NLRC5: variants seen among roughly 807,000 people sequenced by gnomAD.
The protein encoded by NLRC5 is NLR family CARD domain containing 5, also known as protein NLRC5.
In NLRC5, 114 loss-of-function variants were observed where a neutral mutation model predicts 206.9. The ratio of observed to expected loss-of-function variants is 0.55; its 90% CI spans 0.47 to 0.64. The LOEUF (loss-of-function observed/expected upper bound fraction) is 0.64. NLRC5 is among the 30% of genes least tolerant of loss of function. The pLI, the probability that NLRC5 is intolerant of heterozygous loss-of-function variation, is 0.00. For synonymous variants in NLRC5, 952 were observed against 962.8 expected (o/e 0.99, Z 0.21); for missense variants, 2,008 against 2,305.5 (o/e 0.87, Z 2.64).
chr16:57,078,480 T>G (rs1439354892), intron 43 of NLRC5, among the ~76,000 whole-genome samples: 2 of 146,572 alleles, frequency 1.4e-5, no homozygotes, highest in Non-Finnish European at 1.5e-5. Context: ...TTTTTTTTTT[T>G]TTTTTTTTTT....
rs1412705776 is a variant in NLRC5 at position 57,061,505 on chromosome 16, CA to C, written c.4046del (p.Lys1349SerfsTer5). ...HVSRLATGLSKSLQLTELTLT... is the reference protein window; with the variant it reads ...HVSRLATGLSXSLQLTELTLT... The stretch of plus-strand genomic sequence containing the variant: ...TGTCCAGGCTGGCCACCGGCTTGAG[CA>C]AGTCCCTGCAGCTGACGGAGCTCAC... On this transcript the variant is annotated frameshift_variant, in exon 31 of 49. Coordinates refer to ENST00000688547, the MANE Select transcript of NLRC5 (RefSeq NM_001384950.1). LOFTEE classifies it high-confidence loss of function. The C allele has an allele frequency of 1.9e-6, 3 of 1,610,506 alleles. 1 individual carries two copies. The African/African-American group carries it at 4.0e-5, about 21-fold the overall frequency.
At chr16:57,058,400 C>T in intron 28 of NLRC5, 1 of 520,874 alleles carries the variant, frequency 1.9e-6, no homozygotes, top group Non-Finnish European at 3.5e-6. Flanking sequence ...GGGTGACACA[C>T]CCCTACAGCC....
intron 17 of NLRC5, 45 bp from the exon 18 acceptor site, chr16:57,041,440 T>C: frequency 6.4e-7 from 1 of 1,558,612 alleles, no homozygotes; most frequent in Non-Finnish European, 8.8e-7. Context: ...CCTTCCCGCC[T>C]CTGTTCAGTG....
intron 30 of NLRC5, among the ~76,000 whole-genome samples, chr16:57,060,039 A>ATTC (rs2066229621): frequency 1.3e-5 from 2 of 149,098 alleles, no homozygotes. Context: ...TATTATTATT[A>ATTC]TTATTATTAT....
At position 56,998,747 on chromosome 16, in the gene NLRC5, A is replaced by G. The variant is rs533111779; in HGVS notation, c.-128+9130A>G. 1.5e-3 allele frequency among the ~76,000 whole-genome samples: 222 copies of G among 152,354 alleles called. 2 individuals are homozygous for G. The highest frequency in any genetic ancestry group is 5.1e-3 in the African/African-American group (213 of 41,576). On this transcript the variant is annotated intron_variant, in intron 1 of 48. Coordinates refer to ENST00000688547, the MANE Select transcript of NLRC5 (RefSeq NM_001384950.1). The stretch of plus-strand genomic sequence containing the variant: ...TATCATGTTGTGCATATCATTATAC[A>G]ATGTGTCTTGTTTATTCCATGATAC...
At chr16:57,006,849 A>G (rs2058965327) in intron 1 of NLRC5, among the ~76,000 whole-genome samples, 1 of 150,984 alleles carries the variant, frequency 6.6e-6, no homozygotes, top group Non-Finnish European at 1.5e-5. Flanking sequence ...ATGTATTTGT[A>G]TACACATTTT....
At chr16:57,081,704 G>A (rs749774070) in intron 48 of NLRC5, 94 bp downstream of exon 48, 38 of 1,088,046 alleles carry the variant, frequency 3.5e-5, no homozygotes, top group Non-Finnish European at 5.1e-5. Context: ...GCAGGGCCTG[G>A]GCTGGGGATT....
At chr16:56,998,895 C>A (rs1161861838) in intron 1 of NLRC5, among the ~76,000 whole-genome samples, 1 of 152,218 alleles carries the variant, frequency 6.6e-6, no homozygotes, top group Non-Finnish European at 1.5e-5. Flanking sequence ...GCTGGAATTT[C>A]TTTATCCAAG....
chr16:57,045,035 T>C (rs1397850366), intron 20 of NLRC5, among the ~76,000 whole-genome samples: 4 of 151,860 alleles, frequency 2.6e-5, no homozygotes, highest in African/African-American at 9.7e-5. Context: ...CAAAACCCCA[T>C]CTCTACAAAA....
chr16:57,020,867 A>G lies in NLRC5; in HGVS notation c.155A>G (p.Gln52Arg), dbSNP rs772786249. 28 of 1,613,818 alleles carry G rather than the reference A, an allele frequency of 1.7e-5. No individual in the cohort carries two copies. The highest frequency in any genetic ancestry group is 8.3e-5 in the Admixed American group (5 of 59,976). ...DSRNETLDPE[Q>R]RVILQLNKLH... ...AGGAACGAGACCTTGGACCCTGAAC[A>G]GAGAGTCATCCTGCAACTCAACAAG... Residue 52 changes from glutamine to arginine, a missense_variant, in exon 3 of 49, where the codon CAG (glutamine) becomes CGG (arginine). Gln to Arg is a conservative substitution (Grantham distance 43, BLOSUM62 1). Coordinates refer to ENST00000688547, the MANE Select transcript of NLRC5 (RefSeq NM_001384950.1).
At chr16:57,073,214 T>C (rs78823731) in intron 38 of NLRC5, among the ~76,000 whole-genome samples, 4,991 of 152,280 alleles carry the variant, frequency 0.033, 283 homozygotes, top group African/African-American at 0.11. Flanking sequence ...CATGTGCTGC[T>C]CCTTACCTCC....
chr16:57,036,182 G>A lies in NLRC5; in HGVS notation c.2710G>A (p.Asp904Asn). 1 of 1,612,914 alleles carries A rather than the reference G, an allele frequency of 6.2e-7. No individual in the cohort carries two copies. Among genetic ancestry groups the A allele is most frequent in the East Asian group, 2.2e-5 (1 of 44,872 alleles). The change falls in exon 14 of 49, where the codon GAC becomes AAC. Residue 904 changes from aspartate (D) to asparagine (N), a missense_variant and splice_region_variant. Coordinates refer to ENST00000688547, the MANE Select transcript of NLRC5 (RefSeq NM_001384950.1). ...ASQLHIARKL[D>N]LSNNGLSVAG... ...CCAGCTGCACATCGCCAGGAAGCTG[G>A]AGTGAGTTGTCCACCCCACCGCTGG...
chr16:57,078,753 G>A (rs2068757513), intron 43 of NLRC5, among the ~76,000 whole-genome samples: 1 of 152,148 alleles, frequency 6.6e-6, no homozygotes, highest in African/African-American at 2.4e-5. Flanking sequence ...TTACAGGCGT[G>A]AGCCACCATG....
chr16:57,018,501 A>T (rs922929499), intron 2 of NLRC5, among the ~76,000 whole-genome samples: 4 of 152,194 alleles, frequency 2.6e-5, no homozygotes, highest in African/African-American at 7.2e-5. Context: ...TCTCTGCCTG[A>T]GTGAGGACCT....
At chr16:57,039,278 T>C (rs2062985729) in intron 15 of NLRC5, among the ~76,000 whole-genome samples, 5 of 152,214 alleles carry the variant, frequency 3.3e-5, no homozygotes, top group Admixed American at 3.3e-4. Flanking sequence ...AAATGGGGCT[T>C]ACTTAGGCAA....
chr16:57,082,806 A>G lies in NLRC5; in HGVS notation c.*278A>G. The G allele has an allele frequency of 2.9e-6, 1 of 350,560 alleles. No homozygotes were observed. Among genetic ancestry groups the G allele is most frequent in the Non-Finnish European group, 5.2e-6 (1 of 191,632 alleles). The allele number at this position is 350,560 out of a possible 1,614,324, so 21.7% of individuals were successfully genotyped here. A position where few individuals can be genotyped will look rare whatever the true frequency, so the allele number is the denominator to read the frequency against. ...AATGAGGGTGTCATGACAATGCATG[A>G]CACGTACGGTTATATGTGGCAGTGT... On this transcript the variant is annotated 3_prime_UTR_variant, in exon 49 of 49. Transcript: ENST00000688547.
At chr16:57,029,926 A>C in intron 9 of NLRC5, 69 bp from the exon 10 acceptor site, 1 of 1,601,614 alleles carries the variant, frequency 6.2e-7, no homozygotes, top group Non-Finnish European at 8.6e-7. Flanking sequence ...CTCCCTTGCA[A>C]GGCAAGGAAG....
chr16:57,019,286 A>G (rs2060410501), intron 2 of NLRC5, among the ~76,000 whole-genome samples: 1 of 152,102 alleles, frequency 6.6e-6, no homozygotes. Flanking sequence ...AATCCCAGCT[A>G]CTCGGGAGGC....
chr16:57,026,364 T>C lies in NLRC5; in HGVS notation c.1421T>C (p.Ile474Thr), dbSNP rs752644497. ...ALRGLETGKVIFYAKDIAPPL... is the reference protein window; with the variant it reads ...ALRGLETGKVTFYAKDIAPPL... ...AGGGGCCTGGAGACAGGGAAGGTTATCTTCTATGCAAAAGATATTGCTCCA... is the reference window on the plus strand; with the variant it reads ...AGGGGCCTGGAGACAGGGAAGGTTACCTTCTATGCAAAAGATATTGCTCCA... Residue 474 changes from isoleucine to threonine, a missense_variant, in exon 6 of 49, where the codon ATC (isoleucine) becomes ACC (threonine). Physicochemically the swap from Ile to Thr is moderately conservative, Grantham distance 89. Transcript: ENST00000688547. 1.2e-6 allele frequency: 2 copies of C among 1,613,964 alleles called. No homozygotes were observed. The highest frequency in any genetic ancestry group is 3.3e-5 in the Admixed American group (2 of 60,032).
Sources: allele counts gnomAD v4.1 joint callset (sites outside exome capture counted in the v4.1 genomes callset), GRCh38; gene constraint gnomAD v4.1.1; transcripts MANE v1.5; gene names NCBI Gene and HGNC (gene_info 2026-07-23, HGNC 2026-07-21).